Variants in IRAG1 observed in about 807,000 individuals in gnomAD.
The protein encoded by IRAG1 is IP3R-associated cGMP kinase substrate.
IRAG1 carries 62 observed loss-of-function variants against 106.2 expected under a neutral mutation model. That is an observed-to-expected ratio of 0.58 (90% CI 0.48 to 0.72). IRAG1 has a LOEUF of 0.72. Ranked by LOEUF, IRAG1 falls within the 30% of genes least tolerant of loss-of-function variation. IRAG1 has a pLI of 0.00. For missense variants in IRAG1, 1,064 were observed against 1,140.7 expected (o/e 0.93, Z 0.97); for synonymous variants, 462 against 443.9 (o/e 1.04, Z -0.51).
chr11:10,635,616 G>A (rs1200440147), intron 2 of IRAG1, among the ~76,000 whole-genome samples: 1 of 152,234 alleles, frequency 6.6e-6, no homozygotes, highest in African/African-American at 2.4e-5. Context: ...TAGGGAGGAG[G>A]CCTGCTCTCC....
chr11:10,664,160 TC>T, intron 1 of IRAG1, among the ~76,000 whole-genome samples: 1 of 152,098 alleles, frequency 6.6e-6, no homozygotes, highest in South Asian at 2.1e-4. Context: ...GCAGCCCCTC[TC>T]CGAGGAACTG....
chr11:10,615,740 C>T (rs1281791231), intron 10 of IRAG1, among the ~76,000 whole-genome samples: 1 of 151,736 alleles, frequency 6.6e-6, no homozygotes, highest in Admixed American at 6.6e-5. Flanking sequence ...AATGAGAACA[C>T]TTGGACACAG....
rs148566588 is a variant in IRAG1, at chr11:10,625,665, G to A, written c.1368+301C>T. On this transcript the variant is annotated intron_variant, in intron 9 of 20. Coordinates refer to ENST00000423302, the MANE Select transcript of IRAG1 (RefSeq NM_130385.4). Reference sequence around the variant, plus strand: ...TGGAGGAGGAAAGCAGCCCAGGACTGAGGGGCCCACATGTCCCTCCACACG... The same window carrying A: ...TGGAGGAGGAAAGCAGCCCAGGACTAAGGGGCCCACATGTCCCTCCACACG... Among the ~76,000 whole-genome samples, 3 of 152,242 alleles carry A rather than the reference G, an allele frequency of 2.0e-5. No individual in the cohort carries two copies. The East Asian group carries it at 5.8e-4, about 29-fold the overall frequency.
Position 10,677,915 on chromosome 11 carries a change from T to C in IRAG1, c.67+15621A>G, listed in dbSNP as rs149427053. On this transcript the variant is annotated intron_variant, in intron 1 of 20. Transcript: ENST00000423302. Reference sequence around the variant, plus strand: ...TTCGGTCTAGCTTCTTTCACTTAGATAATGTTTTTGAGGTTTATCCACATG... The same window carrying C: ...TTCGGTCTAGCTTCTTTCACTTAGACAATGTTTTTGAGGTTTATCCACATG... Among the ~76,000 whole-genome samples, 745 of 152,364 alleles carry C rather than the reference T, an allele frequency of 4.9e-3. 7 individuals carry two copies. Among genetic ancestry groups the C allele is most frequent in the Non-Finnish European group, 8.7e-3 (595 of 68,028 alleles).
At chr11:10,611,823 T>C (rs77450077) in intron 10 of IRAG1, 7,318 of 152,268 alleles carry the variant, frequency 0.048, 383 homozygotes, top group African/African-American at 0.13. Context: ...AGGGGGCAAG[T>C]AGGCAGTTGT....
intron 1 of IRAG1, among the ~76,000 whole-genome samples, chr11:10,652,721 C>A (rs1053208092): frequency 6.6e-6 from 1 of 152,148 alleles, no homozygotes; most frequent in Non-Finnish European, 1.5e-5. Flanking sequence ...GAGGCTGGGG[C>A]TTTTTCTGCT....
intron 1 of IRAG1, among the ~76,000 whole-genome samples, chr11:10,688,535 C>T (rs1383813308): frequency 6.6e-6 from 1 of 152,114 alleles, no homozygotes; most frequent in Non-Finnish European, 1.5e-5. Flanking sequence ...GGTGGCCACT[C>T]TGGGAACCAC....
chr11:10,600,135 C>T (rs1420356062), intron 15 of IRAG1, among the ~76,000 whole-genome samples: 1 of 152,142 alleles, frequency 6.6e-6, no homozygotes, highest in Non-Finnish European at 1.5e-5. Flanking sequence ...GACTGGAGAA[C>T]TCCTATTTTT....
At chr11:10,584,371 A>G (rs928820309) in intron 18 of IRAG1, among the ~76,000 whole-genome samples, 3 of 152,092 alleles carry the variant, frequency 2.0e-5, no homozygotes, top group African/African-American at 7.2e-5. Flanking sequence ...TGAACAAGAA[A>G]GATAACGCTC....
In IRAG1 at chr11:10,600,591, G is replaced by A. The variant is rs923518845; in HGVS notation, c.2017+327C>T. Among the ~76,000 whole-genome samples, 8 of 152,288 alleles carry A rather than the reference G, an allele frequency of 5.3e-5. No homozygotes were observed. In the East Asian group the frequency reaches 5.8e-4, roughly 11 times the overall value. On this transcript the variant is annotated intron_variant, in intron 15 of 20. Transcript: ENST00000423302. ...CCTAAAAGGGGATCCCAAAGCACAC[G>A]GACTGACAGGGTCTAGGGTCACTCT...
At chr11:10,629,490 G>A (rs762895567) in intron 5 of IRAG1, 48 bp downstream of exon 5, 15 of 1,576,416 alleles carry the variant, frequency 9.5e-6, no homozygotes, top group East Asian at 4.5e-5. Flanking sequence ...CTTCCCTCCC[G>A]ACCCTAGAGG....
chr11:10,692,281 C>T (rs934142377), intron 1 of IRAG1, among the ~76,000 whole-genome samples: 2 of 152,066 alleles, frequency 1.3e-5, no homozygotes, highest in South Asian at 2.1e-4. Flanking sequence ...GGTCAAAAAT[C>T]GCAAGACACA....
At chr11:10,646,965 T>C (rs1858001630) in intron 2 of IRAG1, among the ~76,000 whole-genome samples, 1 of 152,078 alleles carries the variant, frequency 6.6e-6, no homozygotes, top group Non-Finnish European at 1.5e-5. Context: ...TGAAGGAGAA[T>C]GAGGAAGGGG....
intron 10 of IRAG1, among the ~76,000 whole-genome samples, chr11:10,619,520 G>C (rs889351051): frequency 4.6e-5 from 7 of 152,192 alleles, no homozygotes; most frequent in Non-Finnish European, 8.8e-5. Flanking sequence ...TCACAAGTCT[G>C]CAAGTATTCA....
intron 12 of IRAG1, 99 bp downstream of exon 12, chr11:10,606,643 G>A: frequency 8.2e-7 from 1 of 1,213,470 alleles, no homozygotes; most frequent in Non-Finnish European, 1.1e-6. Flanking sequence ...TCTCATTTTT[G>A]TCTAAAAATG....
In IRAG1 at chr11:10,628,672, G is replaced by C; in HGVS notation, c.652+79C>G. 1 of 1,177,756 alleles carries C rather than the reference G, an allele frequency of 8.5e-7. No individual in the cohort carries two copies. The allele number at this position is 1,177,756 out of a possible 1,614,324, so 73.0% of individuals were successfully genotyped here. On this transcript the variant is annotated intron_variant, in intron 6 of 20. Transcript: ENST00000423302. This position sits in a 1 kb window ranked among gnomAD's most constrained non-coding sequence, Gnocchi z 4.1. ...TGAAGGGGAAGCCTGCAGGCTGGGA[G>C]GCATGCTGATCTGTCCAGGCTGAGC...
rs570288649 is a variant in IRAG1 at position 10,633,913 on chromosome 11, T to A, written c.329+55A>T. On this transcript the variant is annotated intron_variant, in intron 3 of 20. Coordinates refer to ENST00000423302, the MANE Select transcript of IRAG1 (RefSeq NM_130385.4). ...TTTATTTAAAAATATAGCTGTCTGA[T>A]CCTCATGTTCTAGGAAATATTGTTT... 3.0e-6 allele frequency: 3 copies of A among 1,012,518 alleles called. No homozygotes were observed. In the East Asian group the frequency reaches 8.1e-5, roughly 27 times the overall value. 62.7% of individuals were successfully genotyped at this position (1,012,518 alleles called of 1,614,324 possible).
intron 3 of IRAG1, 129 bp from the exon 4 acceptor site, chr11:10,632,190 CTTT>C (rs35138815): frequency 0.015 from 8,407 of 552,174 alleles, 8 homozygotes; most frequent in East Asian, 0.026. Flanking sequence ...TTCTTTCTTT[CTTT>C]TTTTTTTTTT....
Position 10,591,591 on chromosome 11 carries a change from CT to C in IRAG1, c.2196del (p.Gly733AlafsTer31). On this transcript the variant is annotated frameshift_variant, in exon 18 of 21. Coordinates refer to ENST00000423302, the MANE Select transcript of IRAG1 (RefSeq NM_130385.4). LOFTEE classifies it high-confidence loss of function. Reference sequence around the variant, plus strand: ...AGTGCTGAAGTGACAGGTAGGCTGCCTTTCCCATTGGGTGATTCCGACTGAG... The same window carrying C: ...AGTGCTGAAGTGACAGGTAGGCTGCCTTCCCATTGGGTGATTCCGACTGAG... ...LPALSESPNGKGSLPVTSALP... is the reference protein window; with the variant it reads ...LPALSESPNGXGSLPVTSALP... 1 of 1,597,174 alleles carries C rather than the reference CT, an allele frequency of 6.3e-7. No individual in the cohort carries two copies. The highest frequency in any genetic ancestry group is 1.1e-5 in the South Asian group (1 of 87,690).
Sources: gnomAD v4.1 joint callset for allele counts (sites outside exome capture counted in the v4.1 genomes callset) on GRCh38, gnomAD v4.1.1 for gene constraint, Gnocchi (gnomAD v3.1) non-coding constraint, MANE v1.5 for transcripts, NCBI Gene and HGNC (gene_info 2026-07-23, HGNC 2026-07-21) for gene names.